The following XKR4 variants were observed in gnomAD, a reference collection of about 807,000 sequenced individuals.
XKR4 encodes the protein XK-related protein 4.
XKR4 carries 12 observed loss-of-function variants against 53.9 expected under a neutral mutation model. That is an observed-to-expected ratio of 0.22 (90% confidence interval 0.14 to 0.36). The LOEUF is 0.36. Among genes scored for constraint, XKR4 ranks in the 10% least tolerant of loss-of-function variants. XKR4 has a pLI of 1.00. For missense variants in XKR4, 799 were observed against 859.5 expected, an observed-to-expected ratio of 0.93 and a Z score of 0.88; for synonymous variants, 354 against 362.4, an observed-to-expected ratio of 0.98 and a Z score of 0.26.
intron 1 of XKR4, among the ~76,000 whole-genome samples, chr8:55,246,008 A>G (rs1818280615): frequency 6.6e-6 from 1 of 152,212 alleles, no homozygotes; most frequent in Non-Finnish European, 1.5e-5. Flanking sequence ...AGGCTGAGGC[A>G]CAAGAACCGC....
intron 1 of XKR4, among the ~76,000 whole-genome samples, chr8:55,139,788 G>A (rs2129354051): frequency 1.3e-5 from 2 of 152,136 alleles, no homozygotes; most frequent in Middle Eastern, 6.8e-3. Flanking sequence ...AGGTTTGTGT[G>A]AGCATTTCAC....
intron 1 of XKR4, among the ~76,000 whole-genome samples, chr8:55,302,444 T>G (rs1168483776): frequency 1.3e-5 from 2 of 152,230 alleles, no homozygotes; most frequent in Non-Finnish European, 2.9e-5. Flanking sequence ...CCTCCAGCTT[T>G]GTTCTTTTGG....
At chr8:55,160,928 G>C (rs571665243) in intron 1 of XKR4, among the ~76,000 whole-genome samples, 1 of 152,244 alleles carries the variant, frequency 6.6e-6, no homozygotes, top group East Asian at 1.9e-4. Context: ...GGCAACATCT[G>C]GTGTATTTCG....
intron 1 of XKR4, among the ~76,000 whole-genome samples, chr8:55,321,066 C>T (rs761267045): frequency 2.6e-5 from 4 of 152,212 alleles, no homozygotes; most frequent in African/African-American, 7.2e-5. Context: ...TCTCTTGTGC[C>T]CTGATAGAAA....
At chr8:55,129,541 C>A (rs1256777010) in intron 1 of XKR4, among the ~76,000 whole-genome samples, 1 of 151,972 alleles carries the variant, frequency 6.6e-6, no homozygotes, top group Non-Finnish European at 1.5e-5. Context: ...AACATGGAAA[C>A]CCAAGTAAGA....
At chr8:55,321,669 A>G (rs1313605776) in intron 1 of XKR4, among the ~76,000 whole-genome samples, 1 of 152,190 alleles carries the variant, frequency 6.6e-6, no homozygotes, top group Non-Finnish European at 1.5e-5. Context: ...AGCATTCAGC[A>G]TATATTTGTG....
At chr8:55,501,670 T>A (rs1806439469) in intron 2 of XKR4, among the ~76,000 whole-genome samples, 1 of 137,402 alleles carries the variant, frequency 7.3e-6, no homozygotes. Context: ...CTATTGTGTA[T>A]GTTGTAAATA....
chr8:55,416,236 A>G (rs2129391847), intron 2 of XKR4, among the ~76,000 whole-genome samples: 1 of 152,344 alleles, frequency 6.6e-6, no homozygotes, highest in South Asian at 2.1e-4. Flanking sequence ...CAGAGTATGG[A>G]AAAGAGAAAG....
In XKR4 at chr8:55,265,676, C is replaced by A. The variant is rs577435543; in HGVS notation, c.807-92002C>A. ...TAGGAGCCTGGGAAAAATAGCAAGA[C>A]CCTGTCTCTATAAAAATTCCTGGCT... is the stretch of plus-strand genomic sequence containing the variant. On this transcript the variant is annotated intron_variant, in intron 1 of 2. Coordinates refer to ENST00000327381, the MANE Select transcript of XKR4 (RefSeq NM_052898.2). 4.7e-4 allele frequency among the ~76,000 whole-genome samples: 72 copies of A among 151,748 alleles called. 1 individual carries two copies. The highest frequency in any genetic ancestry group is 6.9e-3 in the Middle Eastern group (2 of 288).
At chr8:55,365,873 C>A (rs887800406) in intron 2 of XKR4, among the ~76,000 whole-genome samples, 1 of 152,170 alleles carries the variant, frequency 6.6e-6, no homozygotes, top group Non-Finnish European at 1.5e-5. Flanking sequence ...GCTCAGACCT[C>A]TAGGGAAGGG....
intron 1 of XKR4, among the ~76,000 whole-genome samples, chr8:55,119,924 A>C (rs903663464): frequency 3.3e-5 from 5 of 152,232 alleles, no homozygotes; most frequent in African/African-American, 9.6e-5. Flanking sequence ...GAGCATGTTA[A>C]ATAAAGATGC....
intron 1 of XKR4, among the ~76,000 whole-genome samples, chr8:55,248,870 C>T (rs1251886397): frequency 1.3e-5 from 2 of 151,930 alleles, no homozygotes; most frequent in African/African-American, 4.8e-5. Flanking sequence ...TGTTTTTTTC[C>T]TTATTCTACT....
intron 1 of XKR4, among the ~76,000 whole-genome samples, chr8:55,270,414 C>T (rs1215588148): frequency 1.3e-5 from 2 of 152,172 alleles, no homozygotes; most frequent in Non-Finnish European, 2.9e-5. Context: ...TCCCCACTCT[C>T]CCAGGAAGGG....
chr8:55,454,167 C>T (rs983751003), intron 2 of XKR4: 2 of 982,544 alleles, frequency 2.0e-6, no homozygotes, highest in Admixed American at 1.7e-5. Flanking sequence ...ATTCTTAGAA[C>T]ACTGTGCGTC....
At chr8:55,238,239 A>G (rs1333049095) in intron 1 of XKR4, among the ~76,000 whole-genome samples, 1 of 152,184 alleles carries the variant, frequency 6.6e-6, no homozygotes, top group Non-Finnish European at 1.5e-5. Flanking sequence ...ATACCATTCT[A>G]AGCATGCAGC....
At chr8:55,346,594 G>C (rs1005839863) in intron 1 of XKR4, among the ~76,000 whole-genome samples, 2 of 152,090 alleles carry the variant, frequency 1.3e-5, no homozygotes, top group Non-Finnish European at 2.9e-5. Flanking sequence ...AGGTGGTGTT[G>C]TGAGTGTCCT....
At chr8:55,169,092 G>C (rs1817113202) in intron 1 of XKR4, among the ~76,000 whole-genome samples, 1 of 152,146 alleles carries the variant, frequency 6.6e-6, no homozygotes, top group South Asian at 2.1e-4. Flanking sequence ...ATTCTGAAAG[G>C]GTAAGCAATC....
intron 2 of XKR4, among the ~76,000 whole-genome samples, chr8:55,368,070 C>T (rs748555832): frequency 1.3e-5 from 2 of 152,136 alleles, no homozygotes; most frequent in Admixed American, 6.5e-5. Context: ...AAGCGATTCC[C>T]GTGCCTCAGC....
At chr8:55,186,422 A>G (rs900434807) in intron 1 of XKR4, among the ~76,000 whole-genome samples, 13 of 152,132 alleles carry the variant, frequency 8.5e-5, no homozygotes, top group African/African-American at 2.4e-4. Flanking sequence ...TTGGGAGGCC[A>G]AGGAGGGCGG....
Sources: gnomAD v4.1 joint callset for allele counts (sites outside exome capture counted in the v4.1 genomes callset) on GRCh38, gnomAD v4.1.1 for gene constraint, MANE v1.5 for transcripts, NCBI Gene and HGNC (gene_info 2026-07-23, HGNC 2026-07-21) for gene names.